The following SPATA13 variants were observed in gnomAD, a reference collection of about 807,000 sequenced individuals.
SPATA13 encodes the protein spermatogenesis associated 13, also known as spermatogenesis-associated protein 13.
In SPATA13, 50 loss-of-function variants were observed where a neutral mutation model predicts 104.0. That is an observed-to-expected ratio of 0.48 (90% CI 0.38 to 0.61). SPATA13 has a LOEUF of 0.61. Ranked by LOEUF, SPATA13 falls within the 20% of genes least tolerant of loss-of-function variation. The pLI, the probability that SPATA13 is intolerant of heterozygous loss-of-function variation, is 0.00. For synonymous variants in SPATA13, 606 were observed against 667.5 expected, an observed-to-expected ratio of 0.91 and a Z score of 1.42; for missense variants, 1,524 against 1,690.6, an observed-to-expected ratio of 0.90 and a Z score of 1.73.
intron 1 of SPATA13, among the ~76,000 whole-genome samples, chr13:24,177,622 G>A (rs977724271): frequency 6.6e-6 from 1 of 151,986 alleles, no homozygotes; most frequent in Non-Finnish European, 1.5e-5. Context: ...ACCATGCCTA[G>A]CTAATTTTTT....
intron 1 of SPATA13, among the ~76,000 whole-genome samples, chr13:24,220,995 C>T (rs1871555082): frequency 6.6e-6 from 1 of 152,192 alleles, no homozygotes; most frequent in Admixed American, 6.5e-5. Context: ...TCCTCTCTTG[C>T]CTTTGGCCTC....
At chr13:24,108,839 G>A (rs986707341) in intron 3 of SPATA13, among the ~76,000 whole-genome samples, 1 of 152,048 alleles carries the variant, frequency 6.6e-6, no homozygotes, top group African/African-American at 2.4e-5. Context: ...ACTACTCTGG[G>A]CTGCAGTTTA....
chr13:24,027,134 G>GTTTTTTTTTTTTTTTTTTTTTTTTT (rs59906180), intron 3 of SPATA13, among the ~76,000 whole-genome samples: 1 of 112,092 alleles, frequency 8.9e-6, no homozygotes, highest in Non-Finnish European at 1.7e-5. Context: ...TTGTTTAGCC[G>GTTTTTTTTTTTTTTTTTTTTTTTTT]TTTTTTTTTT....
At chr13:24,098,764 TAA>T (rs1425293000) in intron 3 of SPATA13, among the ~76,000 whole-genome samples, 2 of 151,536 alleles carry the variant, frequency 1.3e-5, no homozygotes, top group African/African-American at 4.8e-5. Context: ...CCGTCTTTAC[TAA>T]AAACACAAAA....
chr13:24,280,967 G>A (rs1379127862), intron 4 of SPATA13, among the ~76,000 whole-genome samples: 1 of 152,158 alleles, frequency 6.6e-6, no homozygotes, highest in Non-Finnish European at 1.5e-5. Context: ...TTCTCAGACA[G>A]CACATGTCTG....
intron 9 of SPATA13, among the ~76,000 whole-genome samples, chr13:24,291,364 C>T (rs1876335564): frequency 6.6e-6 from 1 of 152,200 alleles, no homozygotes; most frequent in Admixed American, 6.5e-5. Flanking sequence ...CCTAAAGTTA[C>T]TTGTTGTTAA....
intron 4 of SPATA13, among the ~76,000 whole-genome samples, chr13:24,270,425 C>T (rs553367215): frequency 6.6e-6 from 1 of 152,272 alleles, no homozygotes; most frequent in Non-Finnish European, 1.5e-5. Flanking sequence ...CTAAGTGACC[C>T]CTGTGCTTTT....
At position 24,173,382 on chromosome 13, in the gene SPATA13, GTGTGT is replaced by G. The variant is rs1267645626; in HGVS notation, c.-112+12451_-112+12455del. Among the ~76,000 whole-genome samples the G allele has an allele frequency of 4.6e-5, 7 of 151,760 alleles. No homozygotes were observed. The East Asian group carries it at 1.4e-3, about 29-fold the overall frequency. On this transcript the variant is annotated intron_variant, in intron 1 of 12. Transcript: ENST00000382108. ...CTTAGTTGTGTGTGTGTGTGTGTGT[GTGTGT>G]GTGTGTGTGTGTGTGGTAGATTTCT...
At chr13:24,102,352 T>C (rs1219229107) in intron 3 of SPATA13, among the ~76,000 whole-genome samples, 2 of 152,230 alleles carry the variant, frequency 1.3e-5, no homozygotes, top group East Asian at 1.9e-4. Flanking sequence ...TGTTGAGTTG[T>C]GGGAGTTCTT....
chr13:24,210,602 G>T (rs558617725), intron 1 of SPATA13, among the ~76,000 whole-genome samples: 212 of 152,024 alleles, frequency 1.4e-3, no homozygotes, highest in African/African-American at 5.0e-3. Context: ...ATTCTATTCT[G>T]TTGGTCTATG....
chr13:23,988,724 T>A (rs554673525), intron 2 of SPATA13, among the ~76,000 whole-genome samples: 1 of 151,830 alleles, frequency 6.6e-6, no homozygotes, highest in Non-Finnish European at 1.5e-5. Context: ...TTAGTTTACA[T>A]TTCTCCTATT....
At chr13:24,141,600 C>G (rs1021086461) in intron 3 of SPATA13, among the ~76,000 whole-genome samples, 2 of 152,100 alleles carry the variant, frequency 1.3e-5, no homozygotes, top group Admixed American at 1.3e-4. Context: ...TAGGGCAGTC[C>G]CTGTGATAAC....
chr13:24,103,484 C>CA (rs34983901), intron 3 of SPATA13, among the ~76,000 whole-genome samples: 39,740 of 69,750 alleles, frequency 0.57, 10,931 homozygotes, highest in Middle Eastern at 0.71. Flanking sequence ...GACCCTGTCT[C>CA]AAAAAAAAAA....
intron 1 of SPATA13, among the ~76,000 whole-genome samples, chr13:24,215,028 T>C (rs1441673811): frequency 1.3e-5 from 2 of 152,162 alleles, no homozygotes; most frequent in African/African-American, 4.8e-5. Context: ...CTGAATTCTG[T>C]GTGTTGGTTA....
intron 4 of SPATA13, chr13:24,252,921 A>G (rs1219076148): frequency 6.6e-6 from 1 of 152,236 alleles, no homozygotes; most frequent in African/African-American, 2.4e-5. Context: ...CTAGTGAGGT[A>G]TCCAGTGAGC....
intron 1 of SPATA13, among the ~76,000 whole-genome samples, chr13:24,192,091 C>G (rs1051799133): frequency 1.3e-5 from 2 of 152,140 alleles, no homozygotes; most frequent in Non-Finnish European, 2.9e-5. Context: ...GCTTCTACCC[C>G]GATCTGTGGC....
intron 1 of SPATA13, among the ~76,000 whole-genome samples, chr13:24,218,743 A>G (rs1380664086): frequency 6.7e-6 from 1 of 150,244 alleles, no homozygotes; most frequent in Non-Finnish European, 1.5e-5. Flanking sequence ...TAATCTCATC[A>G]GCAGTTGTGT....
intron 2 of SPATA13, among the ~76,000 whole-genome samples, chr13:23,991,724 C>A (rs898692094): frequency 6.6e-6 from 1 of 152,106 alleles, no homozygotes; most frequent in Non-Finnish European, 1.5e-5. Context: ...AAGAGGACAA[C>A]AGAGTAATCA....
Position 24,286,788 on chromosome 13 carries a change from G to C in SPATA13, c.2505G>C (p.Leu835=). The change falls in exon 7 of 13, where the codon CTG becomes CTC. Residue 835 remains leucine, a synonymous_variant. Coordinates refer to ENST00000382108, the MANE Select transcript of SPATA13 (RefSeq NM_001166271.3). The surrounding 1 kb of genome is among the most constrained non-coding windows in gnomAD (Gnocchi z 4.9). ...AGTTGCGAGTGAATCAGGAAGAGCT[G>C]TCGGAAAACTCCAGCAGCACCCCCA... ...FVRLRVNQEE[L]SENSSSTPSE... 1 of 1,613,660 alleles carries C rather than the reference G, an allele frequency of 6.2e-7. No individual in the cohort carries two copies. Among genetic ancestry groups the C allele is most frequent in the Non-Finnish European group, 8.5e-7 (1 of 1,179,924 alleles).
Sources: gnomAD v4.1 joint callset for allele counts (sites outside exome capture counted in the v4.1 genomes callset) on GRCh38, gnomAD v4.1.1 for gene constraint, Gnocchi (gnomAD v3.1) non-coding constraint, MANE v1.5 for transcripts, NCBI Gene and HGNC (gene_info 2026-07-23, HGNC 2026-07-21) for gene names.